The following PDE1A variants were observed in gnomAD, a reference collection of about 807,000 sequenced individuals.
The protein encoded by PDE1A is dual specificity calcium/calmodulin-dependent 3',5'-cyclic nucleotide phosphodiesterase 1A.
Under a neutral mutation model 61.7 loss-of-function variants are expected in PDE1A, and 35 were observed. The observed-to-expected ratio is 0.57, with a 90% CI of 0.43 to 0.75. The LOEUF is 0.75. Ranked by LOEUF, PDE1A falls within the 30% of genes least tolerant of loss-of-function variation. The pLI is 0.00. For synonymous variants in PDE1A, 232 were observed against 213.2 expected (o/e 1.09, Z -0.77); for missense variants, 597 against 630.6 (o/e 0.95, Z 0.57).
the PDE1A span, among the ~76,000 whole-genome samples, chr2:182,611,712 T>C: frequency 5.6e-3 from 847 of 151,808 alleles, 6 homozygotes; most frequent in Non-Finnish European, 9.2e-3. Flanking sequence ...ACAATTTATA[T>C]TGCCAGGAAA....
At chr2:182,312,199 T>C (rs537805102) in intron 1 of PDE1A, among the ~76,000 whole-genome samples, 4 of 152,248 alleles carry the variant, frequency 2.6e-5, no homozygotes, top group Admixed American at 2.6e-4. Flanking sequence ...ATGTAAGTCC[T>C]TTTTCAGATA....
the PDE1A span, among the ~76,000 whole-genome samples, chr2:182,586,115 A>G: frequency 4.6e-5 from 7 of 152,262 alleles, no homozygotes; most frequent in Middle Eastern, 3.4e-3. Context: ...TCTTTCTCCT[A>G]CAAATTATGA....
chr2:182,505,546 G>A (rs1689351640), intron 2 of PDE1A, among the ~76,000 whole-genome samples: 1 of 152,142 alleles, frequency 6.6e-6, no homozygotes, highest in Non-Finnish European at 1.5e-5. Context: ...GAGAAAGTTG[G>A]GTAGTCCTCA....
intron 2 of PDE1A, among the ~76,000 whole-genome samples, chr2:182,257,311 T>C (rs6758334): frequency 0.27 from 41,611 of 152,148 alleles, 5,883 homozygotes; most frequent in Middle Eastern, 0.36. Flanking sequence ...CAAGCGTTTT[T>C]TAAACCTTAA....
intron 8 of PDE1A, 144 bp downstream of exon 8, chr2:182,205,796 T>A: frequency 1.5e-6 from 1 of 668,964 alleles, no homozygotes; most frequent in Non-Finnish European, 2.5e-6. Context: ...TAAGTACTAA[T>A]CCTTCTCAGA....
At chr2:182,225,678 G>A (rs1158323505) in intron 6 of PDE1A, among the ~76,000 whole-genome samples, 1 of 139,114 alleles carries the variant, frequency 7.2e-6, no homozygotes, top group South Asian at 2.1e-4. Context: ...AGAAGTTTTG[G>A]GTTAATGTAT....
chr2:182,328,666 T>C (rs113619314), intron 1 of PDE1A, among the ~76,000 whole-genome samples: 1,692 of 152,206 alleles, frequency 0.011, 24 homozygotes, highest in South Asian at 0.069. Context: ...GTCTAGAGGA[T>C]GACCACGGGA....
At chr2:182,264,384 T>C in exon 2 of PDE1A, 1 of 1,613,522 alleles carries the variant, frequency 6.2e-7, no homozygotes, top group Non-Finnish European at 8.5e-7. Context: ...TAACATCACC[T>C]CTTTCCAGCT....
At chr2:182,348,123 A>G (rs1698631189) in intron 1 of PDE1A, among the ~76,000 whole-genome samples, 1 of 152,192 alleles carries the variant, frequency 6.6e-6, no homozygotes, top group African/African-American at 2.4e-5. Context: ...GGGACCTACT[A>G]CTTGGCTATA....
chr2:182,599,094 A>C, the PDE1A span, among the ~76,000 whole-genome samples: 1 of 152,156 alleles, frequency 6.6e-6, no homozygotes, highest in Non-Finnish European at 1.5e-5. Context: ...GTGTCGCTGC[A>C]ACTACCCAAA....
the PDE1A span, among the ~76,000 whole-genome samples, chr2:182,673,989 C>CAT: frequency 0.064 from 8,627 of 134,024 alleles, 399 homozygotes; most frequent in African/African-American, 0.14. Flanking sequence ...AATATAACTT[C>CAT]ATATATATAT....
intron 10 of PDE1A, among the ~76,000 whole-genome samples, chr2:182,197,906 C>T (rs909426481): frequency 7.2e-5 from 11 of 151,842 alleles, no homozygotes; most frequent in Non-Finnish European, 5.9e-5. Flanking sequence ...TATTTCTATA[C>T]AGATTTTAGA....
At chr2:182,384,736 G>A (rs1021793230) in intron 1 of PDE1A, among the ~76,000 whole-genome samples, 2 of 151,932 alleles carry the variant, frequency 1.3e-5, no homozygotes, top group Non-Finnish European at 2.9e-5. Flanking sequence ...GAAATATAAA[G>A]GGATAGAAAG....
the PDE1A span, among the ~76,000 whole-genome samples, chr2:182,646,954 G>C: frequency 2.6e-5 from 4 of 152,226 alleles, no homozygotes; most frequent in Non-Finnish European, 5.9e-5. Flanking sequence ...AGACAAAGCA[G>C]ATGTGGCCAT....
the PDE1A span, among the ~76,000 whole-genome samples, chr2:182,656,829 T>C: frequency 6.6e-6 from 1 of 152,202 alleles, no homozygotes; most frequent in Non-Finnish European, 1.5e-5. Context: ...CATACTGAAA[T>C]AGAGCTTGGC....
upstream of PDE1A, among the ~76,000 whole-genome samples, chr2:182,527,365 T>C (rs1332290566): frequency 2.3e-4 from 18 of 77,920 alleles, 1 homozygote; most frequent in South Asian, 4.3e-4. Flanking sequence ...TATATATATA[T>C]ATATATATAC....
chr2:182,674,766 T>C, the PDE1A span, among the ~76,000 whole-genome samples: 1 of 152,090 alleles, frequency 6.6e-6, no homozygotes, highest in African/African-American at 2.4e-5. Flanking sequence ...AGGAATACTT[T>C]CTACTTACCT....
At chr2:182,415,775 CT>C (rs1381934451) in intron 1 of PDE1A, among the ~76,000 whole-genome samples, 3 of 152,186 alleles carry the variant, frequency 2.0e-5, no homozygotes, top group East Asian at 1.9e-4. Flanking sequence ...CTTATCTCAA[CT>C]TTTTTTCTCT....
At chr2:182,203,039 G>C (rs145912467) in intron 8 of PDE1A, among the ~76,000 whole-genome samples, 1 of 152,286 alleles carries the variant, frequency 6.6e-6, no homozygotes, top group East Asian at 1.9e-4. Context: ...ATATTGGCTG[G>C]GCATGGTGGC....
Sources: gnomAD v4.1 joint callset for allele counts (sites outside exome capture counted in the v4.1 genomes callset) on GRCh38, gnomAD v4.1.1 for gene constraint, MANE v1.5 for transcripts, NCBI Gene and HGNC (gene_info 2026-07-23, HGNC 2026-07-21) for gene names.